Variants in RAB9A observed in about 807,000 individuals in gnomAD.
RAB9A encodes RAB9A, member RAS oncogene family.
In RAB9A, 1 loss-of-function variant was observed where a neutral mutation model predicts 10.3. The ratio of observed to expected loss-of-function variants is 0.10; its 90% CI spans 0.03 to 0.46. RAB9A has a LOEUF of 0.46. Among genes scored for constraint, RAB9A ranks in the 20% least tolerant of loss-of-function variants. The pLI, the probability that RAB9A is intolerant of heterozygous loss-of-function variation, is 0.96. For synonymous variants in RAB9A, 39 were observed against 55.2 expected (o/e 0.71, Z 1.30); for missense variants, 92 against 150.3 (o/e 0.61, Z 2.03).
At chrX:13,696,346 C>T (rs368972970) in intron 1 of RAB9A, among the ~76,000 whole-genome samples, 8 of 110,102 alleles carry the variant, frequency 7.3e-5, no homozygotes, top group African/African-American at 2.6e-4. Context: ...CACTTGAGCC[C>T]GGGAGTTTGA....
At chrX:13,694,358 C>T (rs1415889366) in intron 1 of RAB9A, among the ~76,000 whole-genome samples, 2 of 112,107 alleles carry the variant, frequency 1.8e-5, no homozygotes, top group East Asian at 5.6e-4. Flanking sequence ...TTAGAACTGC[C>T]TGAGGACTAC....
intron 1 of RAB9A, among the ~76,000 whole-genome samples, chrX:13,700,684 C>T: frequency 9.0e-6 from 1 of 111,720 alleles, no homozygotes; most frequent in Non-Finnish European, 1.9e-5. Context: ...ACAAGGAGAA[C>T]ATTTGTAGCT....
At chrX:13,691,389 C>T (rs982081996) in intron 1 of RAB9A, among the ~76,000 whole-genome samples, 4 of 111,707 alleles carry the variant, frequency 3.6e-5, no homozygotes, top group Non-Finnish European at 5.6e-5. Context: ...TGGCTGGGCA[C>T]GGTGGCTCAC....
At chrX:13,691,055 G>A (rs2046120086) in intron 1 of RAB9A, among the ~76,000 whole-genome samples, 1 of 111,576 alleles carries the variant, frequency 9.0e-6, no homozygotes, top group Admixed American at 9.5e-5. Flanking sequence ...CATCTAGTGG[G>A]TAGAGGCCAG....
chrX:13,692,872 C>G, intron 1 of RAB9A, among the ~76,000 whole-genome samples: 1 of 112,490 alleles, frequency 8.9e-6, no homozygotes, highest in Non-Finnish European at 1.9e-5. Flanking sequence ...TTCTCTGCCT[C>G]TTATCAGGAG....
chrX:13,690,629 C>G (rs747301380), intron 1 of RAB9A, among the ~76,000 whole-genome samples: 3 of 111,815 alleles, frequency 2.7e-5, no homozygotes, highest in Non-Finnish European at 5.6e-5. Context: ...TCAACCATTT[C>G]TTCTGTCTGG....
At chrX:13,701,232 C>T (rs771744018) in intron 1 of RAB9A, among the ~76,000 whole-genome samples, 1 of 109,741 alleles carries the variant, frequency 9.1e-6, no homozygotes, top group Admixed American at 9.7e-5. Flanking sequence ...CACTGCCCCC[C>T]GCCCCATCCG....
At chrX:13,701,279 A>T (rs2046172664) in intron 1 of RAB9A, among the ~76,000 whole-genome samples, 1 of 108,722 alleles carries the variant, frequency 9.2e-6, no homozygotes, top group Admixed American at 9.8e-5. Flanking sequence ...ATATTTGCCT[A>T]TTCTGAACAT....
intron 1 of RAB9A, among the ~76,000 whole-genome samples, chrX:13,689,970 T>TG (rs1213291415): frequency 4.6e-5 from 5 of 109,584 alleles, no homozygotes; most frequent in African/African-American, 1.3e-4. Flanking sequence ...GTATTGCTTT[T>TG]TTTTTTTTTT....
chrX:13,705,694 A>G (rs1429946580), intron 2 of RAB9A, among the ~76,000 whole-genome samples: 1 of 111,990 alleles, frequency 8.9e-6, no homozygotes, highest in South Asian at 3.6e-4. Context: ...TTATTAAAAT[A>G]CTGGAATAAA....
intron 1 of RAB9A, among the ~76,000 whole-genome samples, chrX:13,691,119 T>G (rs1218610949): frequency 1.8e-5 from 2 of 111,272 alleles, no homozygotes; most frequent in Non-Finnish European, 3.8e-5. Context: ...AATTTTTAAA[T>G]TTTGCTGCTA....
At chrX:13,706,555 T>A (rs1470415602) in intron 2 of RAB9A, among the ~76,000 whole-genome samples, 1 of 97,397 alleles carries the variant, frequency 1.0e-5, no homozygotes, top group Non-Finnish European at 2.1e-5. Context: ...GTCCAGCTAA[T>A]TTTTTTTTTT....
intron 1 of RAB9A, among the ~76,000 whole-genome samples, chrX:13,691,374 G>C (rs765721094): frequency 5.2e-4 from 58 of 111,956 alleles, no homozygotes; most frequent in African/African-American, 1.7e-3. Flanking sequence ...AGATTAAAGA[G>C]TGAGTGGCTG....
At chrX:13,701,084 TTAAAG>T (rs2046171382) in intron 1 of RAB9A, among the ~76,000 whole-genome samples, 1 of 112,041 alleles carries the variant, frequency 8.9e-6, no homozygotes, top group South Asian at 3.7e-4. Flanking sequence ...ATTCACCCTT[TTAAAG>T]TATACAGTTG....
chrX:13,696,002 A>AT (rs2046146055), intron 1 of RAB9A, among the ~76,000 whole-genome samples: 1 of 111,455 alleles, frequency 9.0e-6, no homozygotes, highest in Admixed American at 9.6e-5. Context: ...AGAAGCAGTA[A>AT]TGGGTGGTAA....
At chrX:13,698,244 C>G (rs1460914838) in intron 1 of RAB9A, among the ~76,000 whole-genome samples, 1 of 102,484 alleles carries the variant, frequency 9.8e-6, no homozygotes, top group African/African-American at 3.6e-5. Flanking sequence ...TTCCCACTCC[C>G]CCCACCACTG....
intron 1 of RAB9A, among the ~76,000 whole-genome samples, chrX:13,691,917 A>G (rs1388249916): frequency 9.1e-6 from 1 of 109,892 alleles, no homozygotes; most frequent in Admixed American, 9.8e-5. Flanking sequence ...TCATAAGATT[A>G]GGTTCTGACA....
chrX:13,707,127 G>A (rs1479793210), intron 2 of RAB9A, among the ~76,000 whole-genome samples: 1 of 112,151 alleles, frequency 8.9e-6, no homozygotes, highest in Non-Finnish European at 1.9e-5. Context: ...TTTAAAATGC[G>A]GTTTTTCACT....
chrX:13,700,289 C>G (rs1466119231), intron 1 of RAB9A, among the ~76,000 whole-genome samples: 1 of 111,720 alleles, frequency 9.0e-6, no homozygotes, highest in East Asian at 2.8e-4. Flanking sequence ...TTGAGGCTTT[C>G]TATTCTTCCC....
Sources: gnomAD v4.1 joint callset for allele counts (sites outside exome capture counted in the v4.1 genomes callset) on GRCh38, gnomAD v4.1.1 for gene constraint, MANE v1.5 for transcripts, NCBI Gene and HGNC (gene_info 2026-07-23, HGNC 2026-07-21) for gene names.